NUP37: variants seen among roughly 807,000 people sequenced by gnomAD.
NUP37 encodes the protein nucleoporin Nup37.
NUP37 carries 33 observed loss-of-function variants against 45.4 expected under a neutral mutation model. The observed-to-expected ratio is 0.73, with a 90% CI of 0.55 to 0.97. The LOEUF is 0.97. Ranked by LOEUF, NUP37 falls within the 50% of genes least tolerant of loss-of-function variation. The pLI is 0.00. For synonymous variants in NUP37, 127 were observed against 130.7 expected (o/e 0.97, Z 0.19); for missense variants, 365 against 389.7 (o/e 0.94, Z 0.53).
Position 102,118,346 on chromosome 12 carries a change from C to T in NUP37, c.156+17G>A, listed in dbSNP as rs1192452544. Reference sequence around the variant, plus strand: ...GAAATATGTTCACTGTCATTCGGTGCAGTTTTGTAGACTAACCTGAAACGT... The same window carrying T: ...GAAATATGTTCACTGTCATTCGGTGTAGTTTTGTAGACTAACCTGAAACGT... On this transcript the variant is annotated intron_variant, in intron 2 of 9. Transcript: ENST00000552283. 6 of 1,603,636 alleles carry T rather than the reference C, an allele frequency of 3.7e-6. No individual in the cohort carries two copies. The highest frequency in any genetic ancestry group is 5.1e-6 in the Non-Finnish European group (6 of 1,175,584).
chr12:102,082,634 G>GA (rs1879361228), intron 6 of NUP37, among the ~76,000 whole-genome samples: 1 of 152,204 alleles, frequency 6.6e-6, no homozygotes, highest in African/African-American at 2.4e-5. Context: ...AGTAAGTGGT[G>GA]AAACTGGGAT....
intron 6 of NUP37, among the ~76,000 whole-genome samples, chr12:102,083,891 T>A (rs1879398179): frequency 6.6e-6 from 1 of 152,238 alleles, no homozygotes; most frequent in Admixed American, 6.5e-5. Context: ...AAAATATCCC[T>A]GGTACCTTGT....
intron 2 of NUP37, among the ~76,000 whole-genome samples, chr12:102,116,731 A>ATGG (rs1281458014): frequency 6.6e-6 from 1 of 152,174 alleles, no homozygotes; most frequent in Non-Finnish European, 1.5e-5. Context: ...GCCGCTGGGC[A>ATGG]TGGTGGCTCA....
chr12:102,096,771 A>G (rs1380076446), intron 5 of NUP37, among the ~76,000 whole-genome samples: 1 of 152,196 alleles, frequency 6.6e-6, no homozygotes, highest in Non-Finnish European at 1.5e-5. Flanking sequence ...AGTGTATGAT[A>G]CTATCTACTC....
chr12:102,073,504 G>A lies in NUP37; in HGVS notation c.*850C>T, dbSNP rs750871072. 1 of 152,162 alleles carries A rather than the reference G, an allele frequency of 6.6e-6. No homozygotes were observed. The highest frequency in any genetic ancestry group is 1.5e-5 in the Non-Finnish European group (1 of 68,028). The allele number at this position is 152,162 out of a possible 1,614,324, so 9.4% of individuals were successfully genotyped here. A position where few individuals can be genotyped will look rare whatever the true frequency, so the allele number is the denominator to read the frequency against. ...AGGTAACTTTTGATCCCATATATCA[G>A]ATGTTCTAAGACTGTTAGAACACCT... On this transcript the variant is annotated 3_prime_UTR_variant, in exon 10 of 10. Transcript: ENST00000552283.
chr12:102,097,400 C>G (rs1357277889), intron 5 of NUP37, among the ~76,000 whole-genome samples: 3 of 152,130 alleles, frequency 2.0e-5, no homozygotes, highest in Non-Finnish European at 4.4e-5. Flanking sequence ...TCCTTTCCTA[C>G]TTTTTAGAGT....
chr12:102,098,169 C>T (rs933915624), intron 5 of NUP37, among the ~76,000 whole-genome samples: 1 of 152,192 alleles, frequency 6.6e-6, no homozygotes, highest in East Asian at 1.9e-4. Context: ...CTGATGCACT[C>T]ATTTCACTCC....
chr12:102,080,659 G>A (rs938116413), intron 6 of NUP37, among the ~76,000 whole-genome samples: 2 of 152,126 alleles, frequency 1.3e-5, no homozygotes, highest in Non-Finnish European at 1.5e-5. Context: ...AGTGATTCAC[G>A]TAACTTGTAC....
At chr12:102,101,787 T>A (rs923893185) in intron 3 of NUP37, among the ~76,000 whole-genome samples, 1 of 152,060 alleles carries the variant, frequency 6.6e-6, no homozygotes, top group Non-Finnish European at 1.5e-5. Flanking sequence ...TGCAGTGGTA[T>A]GATTTCATAC....
Position 102,120,046 on chromosome 12 carries a change from G to C in NUP37, c.-66+4C>G, listed in dbSNP as rs1415736860. The C allele has an allele frequency of 6.5e-6, 1 of 154,334 alleles. No individual in the cohort carries two copies. The highest frequency in any genetic ancestry group is 1.4e-5 in the Non-Finnish European group (1 of 69,192). 9.6% of individuals were successfully genotyped at this position (154,334 alleles called of 1,614,324 possible). A position where few individuals can be genotyped will look rare whatever the true frequency, so the allele number is the denominator to read the frequency against. On this transcript the variant is annotated splice_donor_region_variant and intron_variant, in intron 1 of 9. Coordinates refer to ENST00000552283, the MANE Select transcript of NUP37 (RefSeq NM_024057.4). ...GCCTCTCGGGCTCCCAGCTCGATACGCACCGCAGAGCGCCAGGAACCGACC... is the reference window on the plus strand; with the variant it reads ...GCCTCTCGGGCTCCCAGCTCGATACCCACCGCAGAGCGCCAGGAACCGACC...
chr12:102,095,995 T>C (rs947306766), intron 5 of NUP37, among the ~76,000 whole-genome samples: 2 of 152,122 alleles, frequency 1.3e-5, no homozygotes, highest in African/African-American at 2.4e-5. Context: ...GTCTTACTCA[T>C]TGTAAAGAAG....
At chr12:102,077,070 T>C in intron 7 of NUP37, 1 of 609,850 alleles carries the variant, frequency 1.6e-6, no homozygotes, top group South Asian at 2.0e-5. Context: ...TTTTTCTTAT[T>C]TTCCAATATA....
chr12:102,116,881 A>C (rs535765251), intron 2 of NUP37, among the ~76,000 whole-genome samples: 1 of 152,302 alleles, frequency 6.6e-6, no homozygotes, highest in South Asian at 2.1e-4. Flanking sequence ...ACGTGCCTGT[A>C]ATTCGAGCTA....
chr12:102,099,826 T>C (rs1360687750), intron 4 of NUP37, among the ~76,000 whole-genome samples: 1 of 152,210 alleles, frequency 6.6e-6, no homozygotes, highest in African/African-American at 2.4e-5. Flanking sequence ...TAAATCTTCA[T>C]AGTTGAAATC....
At chr12:102,113,868 G>A (rs1368735496) in intron 2 of NUP37, among the ~76,000 whole-genome samples, 2 of 152,142 alleles carry the variant, frequency 1.3e-5, no homozygotes, top group African/African-American at 4.8e-5. Context: ...TAGATATACT[G>A]ATTTTTCCAG....
rs527420986 is a variant in NUP37 at position 102,100,586 on chromosome 12, C to T, written c.354+446G>A. ...AGGTTACTTAACCAAGGTCACACCA[C>T]GACTAAGTAATAACACTGGAGTTTA... On this transcript the variant is annotated intron_variant, in intron 4 of 9. Coordinates refer to ENST00000552283, the MANE Select transcript of NUP37 (RefSeq NM_024057.4). 4.9e-4 allele frequency among the ~76,000 whole-genome samples: 74 copies of T among 152,268 alleles called. No individual in the cohort carries two copies. The Middle Eastern group carries it at 0.01, about 21-fold the overall frequency.
chr12:102,093,174 A>G (rs1413410807), intron 5 of NUP37, among the ~76,000 whole-genome samples: 2 of 152,064 alleles, frequency 1.3e-5, no homozygotes, highest in Non-Finnish European at 2.9e-5. Flanking sequence ...GTGGAGAGAG[A>G]AGGAAGGAGG....
chr12:102,103,111 A>G (rs1880022836), intron 3 of NUP37, among the ~76,000 whole-genome samples: 1 of 151,900 alleles, frequency 6.6e-6, no homozygotes, highest in Admixed American at 6.6e-5. Flanking sequence ...TTTTTAATTG[A>G]TTTTTCTATT....
At chr12:102,106,367 T>A (rs1170268596) in intron 3 of NUP37, among the ~76,000 whole-genome samples, 2 of 152,342 alleles carry the variant, frequency 1.3e-5, no homozygotes, top group East Asian at 3.9e-4. Context: ...ATGTTGAGTA[T>A]CAAGTTATCC....
Sources: gnomAD v4.1 joint callset for allele counts (sites outside exome capture counted in the v4.1 genomes callset) on GRCh38, gnomAD v4.1.1 for gene constraint, MANE v1.5 for transcripts, NCBI Gene and HGNC (gene_info 2026-07-23, HGNC 2026-07-21) for gene names.